The following CACNA1E variants were observed in gnomAD, a reference collection of about 807,000 sequenced individuals.
CACNA1E encodes the protein calcium voltage-gated channel subunit alpha1 E.
Under a neutral mutation model 259.2 loss-of-function variants are expected in CACNA1E, and 40 were observed. The ratio of observed to expected loss-of-function variants is 0.15; its 90% CI spans 0.12 to 0.20. CACNA1E has a LOEUF of 0.20. Among genes scored for constraint, CACNA1E ranks in the 10% least tolerant of loss-of-function variants. CACNA1E has a pLI of 1.00. For missense variants in CACNA1E, 1,874 were observed against 3,040.1 expected, an observed-to-expected ratio of 0.62 and a Z score of 9.02; for synonymous variants, 1,104 against 1,138.5, an observed-to-expected ratio of 0.97 and a Z score of 0.61.
At chr1:181,654,845 G>A (rs1199185227) in intron 7 of CACNA1E, among the ~76,000 whole-genome samples, 1 of 151,962 alleles carries the variant, frequency 6.6e-6, no homozygotes, top group South Asian at 2.1e-4. Flanking sequence ...TTAGCCGGGC[G>A]AGGTGGCGGG....
chr1:181,384,533 T>C (rs1355624417), intron 1 of CACNA1E, among the ~76,000 whole-genome samples: 1 of 152,198 alleles, frequency 6.6e-6, no homozygotes, highest in African/African-American at 2.4e-5. Flanking sequence ...CCATCATAGC[T>C]CACTGTGTGA....
chr1:181,778,783 C>T lies in CACNA1E; in HGVS notation c.5267+2555C>T, dbSNP rs75692744. Among the ~76,000 whole-genome samples, 14 of 152,306 alleles carry T rather than the reference C, an allele frequency of 9.2e-5. No individual in the cohort carries two copies. The East Asian group carries it at 2.1e-3, about 23-fold the overall frequency. ...GGGGAGAGTGTCCATGGCTTCCTCCCTGGCTGCTCTCTGAACACAGACCTC... is the reference window on the plus strand; with the variant it reads ...GGGGAGAGTGTCCATGGCTTCCTCCTTGGCTGCTCTCTGAACACAGACCTC... On this transcript the variant is annotated intron_variant, in intron 38 of 47. Transcript: ENST00000367573.
intron 1 of CACNA1E, among the ~76,000 whole-genome samples, chr1:181,370,549 C>A (rs1215346792): frequency 6.6e-6 from 1 of 152,180 alleles, no homozygotes; most frequent in Non-Finnish European, 1.5e-5. Context: ...TCTGTTCCTA[C>A]ATTAATTAGC....
At chr1:181,637,020 T>G (rs1415552531) in intron 6 of CACNA1E, among the ~76,000 whole-genome samples, 1 of 152,224 alleles carries the variant, frequency 6.6e-6, no homozygotes, top group African/African-American at 2.4e-5. Flanking sequence ...CCTCTTGTTA[T>G]TTGGAAATCA....
At chr1:181,445,514 T>C (rs1483168991) in intron 2 of CACNA1E, among the ~76,000 whole-genome samples, 2 of 152,176 alleles carry the variant, frequency 1.3e-5, no homozygotes, top group African/African-American at 4.8e-5. Flanking sequence ...CTAGAGGAAG[T>C]GCCTTGTGTA....
At chr1:181,362,411 G>A (rs990152236) in intron 1 of CACNA1E, among the ~76,000 whole-genome samples, 1 of 152,198 alleles carries the variant, frequency 6.6e-6, no homozygotes, top group Non-Finnish European at 1.5e-5. Context: ...TGTTTCCCAC[G>A]TGGATACAGG....
chr1:181,750,289 G>A (rs1208932588), intron 25 of CACNA1E, among the ~76,000 whole-genome samples, 187 bp from the exon 26 acceptor site: 1 of 152,240 alleles, frequency 6.6e-6, no homozygotes, highest in African/African-American at 2.4e-5. Context: ...ACAAAGGTGT[G>A]GACACTCTAA....
intron 7 of CACNA1E, among the ~76,000 whole-genome samples, chr1:181,660,166 G>A (rs964765030): frequency 6.6e-6 from 1 of 152,194 alleles, no homozygotes; most frequent in African/African-American, 2.4e-5. Flanking sequence ...AGTAGAGGAG[G>A]AATTCTTCTG....
rs377382446 is a variant in CACNA1E at position 181,772,159 on chromosome 1, C to G, written c.5067C>G (p.Asn1689Lys). ...EPDTTAPSGQ[N>K]ENERCGTDLA... ...ACACCACCGCACCATCAGGGCAGAACGAGAACGAACGCTGCGGCACCGATC... is the reference window on the plus strand; with the variant it reads ...ACACCACCGCACCATCAGGGCAGAAGGAGAACGAACGCTGCGGCACCGATC... Residue 1689 changes from asparagine (N) to lysine (K), a missense_variant, in exon 37 of 48, where the codon AAC becomes AAG. Coordinates refer to ENST00000367573, the MANE Select transcript of CACNA1E (RefSeq NM_001205293.3). 4 of 1,613,922 alleles carry G rather than the reference C, an allele frequency of 2.5e-6. No homozygotes were observed. Among genetic ancestry groups the G allele is most frequent in the Non-Finnish European group, 3.4e-6 (4 of 1,179,856 alleles).
intron 10 of CACNA1E, among the ~76,000 whole-genome samples, chr1:181,716,371 C>A (rs1009064039): frequency 1.3e-5 from 2 of 151,760 alleles, no homozygotes; most frequent in African/African-American, 4.8e-5. Context: ...AGAATCCAAC[C>A]CAAGTTTTTC....
intron 1 of CACNA1E, among the ~76,000 whole-genome samples, chr1:181,500,497 G>A (rs12067740): frequency 0.026 from 3,889 of 152,266 alleles, 162 homozygotes; most frequent in African/African-American, 0.088. Context: ...ACATCTATTA[G>A]CACAACACTT....
intron 1 of CACNA1E, among the ~76,000 whole-genome samples, chr1:181,362,944 A>G (rs2101924154): frequency 6.6e-6 from 1 of 152,302 alleles, no homozygotes; most frequent in East Asian, 1.9e-4. Context: ...TTTACTGAAG[A>G]CAAGAGGCGT....
At chr1:181,617,967 C>T (rs767263678) in intron 6 of CACNA1E, among the ~76,000 whole-genome samples, 2 of 152,068 alleles carry the variant, frequency 1.3e-5, no homozygotes, top group Non-Finnish European at 2.9e-5. Flanking sequence ...ATTTGCCTGT[C>T]AGTTCCTTTT....
intron 3 of CACNA1E, among the ~76,000 whole-genome samples, chr1:181,566,571 T>C (rs145765879): frequency 6.6e-6 from 1 of 152,300 alleles, no homozygotes; most frequent in African/African-American, 2.4e-5. Flanking sequence ...TTTATTTCTG[T>C]ATTCTTCGTC....
chr1:181,757,628 A>G (rs1262363559), intron 30 of CACNA1E, among the ~76,000 whole-genome samples: 1 of 152,224 alleles, frequency 6.6e-6, no homozygotes, highest in Admixed American at 6.5e-5. Context: ...AGAAATACAT[A>G]GGTAGGTAGA....
intron 1 of CACNA1E, among the ~76,000 whole-genome samples, chr1:181,377,910 T>C (rs1417931604): frequency 6.6e-6 from 1 of 152,242 alleles, no homozygotes; most frequent in Non-Finnish European, 1.5e-5. Context: ...CCATTCTCTT[T>C]GGATTTATTG....
At chr1:181,579,987 T>C (rs928840312) in intron 5 of CACNA1E, among the ~76,000 whole-genome samples, 1 of 152,252 alleles carries the variant, frequency 6.6e-6, no homozygotes, top group Non-Finnish European at 1.5e-5. Context: ...TCATTTGTTC[T>C]TTTCAAGTTG....
intron 1 of CACNA1E, among the ~76,000 whole-genome samples, chr1:181,343,733 C>G (rs564926092): frequency 6.6e-6 from 1 of 152,228 alleles, no homozygotes; most frequent in South Asian, 2.1e-4. Context: ...AGCCTGGCCC[C>G]TTGCATTGCA....
intron 1 of CACNA1E, among the ~76,000 whole-genome samples, chr1:181,326,080 C>G (rs1254106391): frequency 6.6e-6 from 1 of 152,222 alleles, no homozygotes; most frequent in African/African-American, 2.4e-5. Context: ...CGCTGCCAAT[C>G]CCAGCTCCTT....
Sources: allele counts gnomAD v4.1 joint callset (sites outside exome capture counted in the v4.1 genomes callset), GRCh38; gene constraint gnomAD v4.1.1; transcripts MANE v1.5; gene names NCBI Gene and HGNC (gene_info 2026-07-23, HGNC 2026-07-21).